WIPF1: variants seen among roughly 807,000 people sequenced by gnomAD.
WIPF1 encodes the protein WAS/WASL-interacting protein family member 1.
WIPF1 carries 13 observed loss-of-function variants against 35.4 expected under a neutral mutation model. The ratio of observed to expected loss-of-function variants is 0.37; its 90% CI spans 0.24 to 0.58. The LOEUF is 0.58. WIPF1 is among the 20% of genes least tolerant of loss of function. The pLI is 0.74. For missense variants in WIPF1, 591 were observed against 667.0 expected (o/e 0.89, Z 1.25); for synonymous variants, 267 against 266.3 (o/e 1.00, Z -0.02).
chr2:174,670,819 C>T (rs1217399688), intron 1 of WIPF1, among the ~76,000 whole-genome samples: 5 of 152,220 alleles, frequency 3.3e-5, no homozygotes, highest in African/African-American at 4.8e-5. Flanking sequence ...TCTCAGCAAT[C>T]GCTGCCATCA....
intron 1 of WIPF1, among the ~76,000 whole-genome samples, chr2:174,649,427 A>T (rs1366230694): frequency 6.6e-6 from 1 of 152,086 alleles, no homozygotes; most frequent in Non-Finnish European, 1.5e-5. Context: ...GCTCTCCCCT[A>T]TCTGGCCCAT....
At position 174,671,641 on chromosome 2, in the gene WIPF1, C is replaced by G. The variant is rs147837917; in HGVS notation, c.-39+11133G>C. ...CAGCCCTGAGAAAGAGAATGCATTC[C>G]CAGGGGTAGGTCTCTAAAATGGCCA... is the stretch of plus-strand genomic sequence containing the variant. On this transcript the variant is annotated intron_variant, in intron 1 of 8. Coordinates refer to the WIPF1 transcript ENST00000272746. Among the ~76,000 whole-genome samples the G allele has an allele frequency of 7.5e-3, 1,145 of 152,160 alleles. 13 individuals carry two copies. The highest frequency in any genetic ancestry group is 0.026 in the African/African-American group (1,100 of 41,520).
At chr2:174,604,636 G>C (rs1393479201) in intron 1 of WIPF1, among the ~76,000 whole-genome samples, 2 of 152,176 alleles carry the variant, frequency 1.3e-5, no homozygotes, top group Non-Finnish European at 2.9e-5. Context: ...CATATGAAAA[G>C]AGTATTATGG....
At chr2:174,668,401 A>G (rs1440240853) in intron 1 of WIPF1, among the ~76,000 whole-genome samples, 3 of 151,830 alleles carry the variant, frequency 2.0e-5, no homozygotes. Flanking sequence ...ATTTTTTTTT[A>G]GTTAAAAGAA....
intron 1 of WIPF1, among the ~76,000 whole-genome samples, chr2:174,619,833 T>C (rs938412217): frequency 6.6e-6 from 1 of 151,730 alleles, no homozygotes; most frequent in Non-Finnish European, 1.5e-5. Flanking sequence ...TCCCAGTTAC[T>C]TGGGAAGCTG....
Position 174,646,519 on chromosome 2 carries a change from G to A in WIPF1, c.-39+36255C>T, listed in dbSNP as rs762408517. On this transcript the variant is annotated intron_variant, in intron 1 of 8. Transcript: ENST00000272746. The stretch of plus-strand genomic sequence containing the variant: ...CTGCAAAGAGTTTAGCCACTGCAGC[G>A]CATAAACGGTGGTTACTGTTACTAT... Among the ~76,000 whole-genome samples the A allele has an allele frequency of 7.2e-5, 11 of 152,194 alleles. No homozygotes were observed. In the South Asian group the frequency reaches 1.7e-3, roughly 23 times the overall value.
chr2:174,563,595 C>T (rs1166298434), intron 7 of WIPF1, among the ~76,000 whole-genome samples: 12 of 152,086 alleles, frequency 7.9e-5, no homozygotes. Flanking sequence ...CAAAACCAAG[C>T]TATTCATGGG....
intron 1 of WIPF1, among the ~76,000 whole-genome samples, chr2:174,609,321 C>A (rs1490735624): frequency 6.6e-6 from 1 of 152,228 alleles, no homozygotes; most frequent in Non-Finnish European, 1.5e-5. Context: ...CTGTTGTATT[C>A]ATTCCCTGTA....
rs929145109 is a variant in WIPF1, at chr2:174,623,401, G to C, written c.-38-37790C>G. On this transcript the variant is annotated intron_variant, in intron 1 of 8. Coordinates refer to the WIPF1 transcript ENST00000272746. ...AAACTGCTTCCAAGTTCACTCACAT[G>C]TTGTTGGCAGGATTCATTTCCTGAC... is the stretch of plus-strand genomic sequence containing the variant. 3.3e-5 allele frequency: 5 copies of C among 152,202 alleles called. No individual in the cohort carries two copies. The East Asian group carries it at 9.6e-4, about 29-fold the overall frequency. The allele number at this position is 152,202 out of a possible 1,614,324, so 9.4% of individuals were successfully genotyped here.
At chr2:174,620,468 A>G (rs1002241072) in intron 1 of WIPF1, among the ~76,000 whole-genome samples, 3 of 152,270 alleles carry the variant, frequency 2.0e-5, no homozygotes, top group Non-Finnish European at 4.4e-5. Context: ...CATAGTACCA[A>G]GTTAGAAAAA....
At chr2:174,587,498 A>T (rs1017877638) in intron 1 of WIPF1, 1 of 152,244 alleles carries the variant, frequency 6.6e-6, no homozygotes, top group African/African-American at 2.4e-5. Context: ...GCTAAAAAAG[A>T]CACTGCTGGA....
In WIPF1 at chr2:174,619,403, C is replaced by T. The variant is rs529476395; in HGVS notation, c.-38-33792G>A. Among the ~76,000 whole-genome samples, 5 of 152,184 alleles carry T rather than the reference C, an allele frequency of 3.3e-5. No individual in the cohort carries two copies. In the South Asian group the frequency reaches 6.2e-4, roughly 19 times the overall value. On this transcript the variant is annotated intron_variant, in intron 1 of 8. Transcript: ENST00000272746. ...ACGTTGCAGTGATTGTACCATTGCA[C>T]GCCAGCCTGTGTGTCACAGTGAGAC...
At chr2:174,661,216 G>A (rs1687752543) in intron 1 of WIPF1, among the ~76,000 whole-genome samples, 1 of 152,244 alleles carries the variant, frequency 6.6e-6, no homozygotes, top group South Asian at 2.1e-4. Context: ...GCAGGCAGGT[G>A]TGAGGCCATG....
At chr2:174,654,348 G>A (rs1687600560) in intron 1 of WIPF1, among the ~76,000 whole-genome samples, 1 of 151,986 alleles carries the variant, frequency 6.6e-6, no homozygotes, top group Admixed American at 6.5e-5. Flanking sequence ...CTTTTCTTAG[G>A]AGTCCTTTTC....
At chr2:174,628,304 T>G (rs1276004346) in intron 1 of WIPF1, among the ~76,000 whole-genome samples, 1 of 152,164 alleles carries the variant, frequency 6.6e-6, no homozygotes, top group African/African-American at 2.4e-5. Flanking sequence ...GAGGACTGCT[T>G]AATCCATGCC....
At chr2:174,649,317 G>A (rs1405883907) in intron 1 of WIPF1, among the ~76,000 whole-genome samples, 1 of 152,168 alleles carries the variant, frequency 6.6e-6, no homozygotes, top group East Asian at 1.9e-4. Flanking sequence ...CTTTCTGGCT[G>A]GGGAGAGATT....
chr2:174,682,776 C>T (rs1399986052), exon 1 of WIPF1: 2 of 151,628 alleles, frequency 1.3e-5, no homozygotes, highest in Non-Finnish European at 2.9e-5. Flanking sequence ...TCCCTTACCG[C>T]GCAGCGGCTC....
At chr2:174,641,737 A>G (rs1214204693) in intron 1 of WIPF1, among the ~76,000 whole-genome samples, 1 of 152,232 alleles carries the variant, frequency 6.6e-6, no homozygotes, top group Admixed American at 6.5e-5. Context: ...AGTACCCAGG[A>G]GGGACTGGAA....
chr2:174,567,262 AAGAG>A (rs3217351), intron 6 of WIPF1, 79 bp from the exon 7 acceptor site: 353,339 of 1,253,168 alleles, frequency 0.28, 55,813 homozygotes, highest in Non-Finnish European at 0.31. Context: ...CACAGAATGA[AAGAG>A]AGAGAGAACC....
Sources: allele counts gnomAD v4.1 joint callset (sites outside exome capture counted in the v4.1 genomes callset), GRCh38; gene constraint gnomAD v4.1.1; transcripts MANE v1.5; gene names NCBI Gene and HGNC (gene_info 2026-07-23, HGNC 2026-07-21).